The following RNF7 variants were observed in gnomAD, a reference collection of about 807,000 sequenced individuals.
The protein encoded by RNF7 is ring finger protein 7.
In RNF7, 9 loss-of-function variants were observed where a neutral mutation model predicts 17.0. That is an observed-to-expected ratio of 0.53 (90% confidence interval 0.32 to 0.92). The LOEUF is 0.92. Among genes scored for constraint, RNF7 ranks in the 40% least tolerant of loss-of-function variants. The pLI is 0.04. For missense variants in RNF7, 87 were observed against 145.8 expected, an observed-to-expected ratio of 0.60 and a Z score of 2.08; for synonymous variants, 59 against 50.5, an observed-to-expected ratio of 1.17 and a Z score of -0.72.
At chr3:141,740,442 T>G (rs1361862446) in intron 1 of RNF7, among the ~76,000 whole-genome samples, 2 of 152,212 alleles carry the variant, frequency 1.3e-5, no homozygotes, top group South Asian at 4.1e-4. Context: ...GGTCAAAGTA[T>G]AGACTATAAA....
chr3:141,744,909 A>G (rs991037088), intron 2 of RNF7, among the ~76,000 whole-genome samples: 1 of 152,214 alleles, frequency 6.6e-6, no homozygotes, highest in African/African-American at 2.4e-5. Flanking sequence ...GGAGCTGTGT[A>G]GGAACTAGGG....
In RNF7 at chr3:141,746,629, T is replaced by A. The variant is rs2084476227; in HGVS notation, c.*1352T>A. 6.6e-6 allele frequency: 1 copy of A among 152,212 alleles called. No individual in the cohort carries two copies. Among genetic ancestry groups the A allele is most frequent in the East Asian group, 1.9e-4 (1 of 5,196 alleles). 9.4% of individuals were successfully genotyped at this position (152,212 alleles called of 1,614,324 possible). On this transcript the variant is annotated 3_prime_UTR_variant, in exon 3 of 3. Coordinates refer to ENST00000273480, the MANE Select transcript of RNF7 (RefSeq NM_014245.5). ...AATGGACCACAAGTTCATTTTGTAT[T>A]CTTCTGTAGTAGAGGCTACTGATAT...
In RNF7 at chr3:141,738,651, C is replaced by T. The variant is rs943321516; in HGVS notation, c.175+135C>T. ...AGAGTGGGTGGAGGTCGCCCTGCCC[C>T]GGCGCCGGAGGAACGCGGAGCCACG... On this transcript the variant is annotated intron_variant, in intron 1 of 2. Transcript: ENST00000273480. 7 of 965,268 alleles carry T rather than the reference C, an allele frequency of 7.3e-6. No homozygotes were observed. The Admixed American group carries it at 9.8e-5, about 14-fold the overall frequency. 59.8% of individuals were successfully genotyped at this position (965,268 alleles called of 1,614,324 possible).
At position 141,738,371 on chromosome 3, in the gene RNF7, C is replaced by T. The variant is rs919505952; in HGVS notation, c.30C>T (p.Thr10=). 23 of 1,589,186 alleles carry T rather than the reference C, an allele frequency of 1.4e-5. No individual in the cohort carries two copies. The Admixed American group carries it at 2.5e-4, about 17-fold the overall frequency. ...CCGACGTGGAAGACGGAGAGGAAACCTGCGCCCTGGCCTCTCACTCCGGGA... is the reference window on the plus strand; with the variant it reads ...CCGACGTGGAAGACGGAGAGGAAACTTGCGCCCTGGCCTCTCACTCCGGGA... MADVEDGEE[T]CALASHSGSS... The change falls in exon 1 of 3, where the codon ACC becomes ACT. Residue 10 remains threonine, a synonymous_variant. Transcript: ENST00000273480.
Position 141,743,556 on chromosome 3 carries a change from GGTATGTTGTAATTTT to G in RNF7, c.223+3_223+17del. 4 of 1,606,262 alleles carry G rather than the reference GGTATGTTGTAATTTT, an allele frequency of 2.5e-6. No individual in the cohort carries two copies. The highest frequency in any genetic ancestry group is 3.4e-6 in the Non-Finnish European group (4 of 1,176,764). ...TGAAAACAAACAAGAGGACTGTGTT[GGTATGTTGTAATTTT>G]GTTCTCTTGCTTTTTCAACTGAAGG... On this transcript the variant is annotated splice_donor_variant and splice_donor_5th_base_variant and intron_variant, in intron 2 of 2. Transcript: ENST00000273480. LOFTEE classifies it high-confidence loss of function.
Position 141,742,282 on chromosome 3 carries a change from A to G in RNF7, c.176-1227A>G, listed in dbSNP as rs188712021. ...CGCTCTTTCGCCCAGGCTGGAGTGC[A>G]GTGGCGCTATCTCGGCTCACTGCAA... is the stretch of plus-strand genomic sequence containing the variant. On this transcript the variant is annotated intron_variant, in intron 1 of 2. Coordinates refer to ENST00000273480, the MANE Select transcript of RNF7 (RefSeq NM_014245.5). Among the ~76,000 whole-genome samples, 665 of 137,456 alleles carry G rather than the reference A, an allele frequency of 4.8e-3. 1 individual carries two copies. Among genetic ancestry groups the G allele is most frequent in the Non-Finnish European group, 7.1e-3 (470 of 66,464 alleles). 90.2% of individuals were successfully genotyped at this position (137,456 alleles called of 152,430 possible). A position where few individuals can be genotyped will look rare whatever the true frequency, so the allele number is the denominator to read the frequency against.
chr3:141,738,540 GGCCGCCCT>G (rs1202533201), intron 1 of RNF7, 24 bp downstream of exon 1: 1 of 1,582,256 alleles, frequency 6.3e-7, no homozygotes, highest in Non-Finnish European at 8.6e-7. Context: ...GCGAGTCCAG[GGCCGCCCT>G]GCGGCCTCCG....
chr3:141,744,221 C>T (rs2084449002), intron 2 of RNF7, among the ~76,000 whole-genome samples: 1 of 152,100 alleles, frequency 6.6e-6, no homozygotes, highest in Non-Finnish European at 1.5e-5. Flanking sequence ...GTACATAGAA[C>T]TTCTTAATAT....
At chr3:141,738,641 C>T in intron 1 of RNF7, 125 bp downstream of exon 1, 3 of 1,022,800 alleles carry the variant, frequency 2.9e-6, no homozygotes, top group Admixed American at 3.3e-5. Context: ...GGGTGGAGGT[C>T]GCCCTGCCCC....
At position 141,746,719 on chromosome 3, in the gene RNF7, A is replaced by G. The variant is rs2084477527; in HGVS notation, c.*1442A>G. 1.3e-5 allele frequency: 2 copies of G among 152,206 alleles called. No individual in the cohort carries two copies. The highest frequency in any genetic ancestry group is 1.5e-5 in the Non-Finnish European group (1 of 68,036). 9.4% of individuals were successfully genotyped at this position (152,206 alleles called of 1,614,324 possible). On this transcript the variant is annotated 3_prime_UTR_variant, in exon 3 of 3. Transcript: ENST00000273480. ...CTGCAGATGCAGTGTGCCATTCTGA[A>G]TTTTTCAATCTAAGGGATGTGGATA... is the stretch of plus-strand genomic sequence containing the variant.
chr3:141,746,084 C>T lies in RNF7; in HGVS notation c.*807C>T, dbSNP rs1270175813. On this transcript the variant is annotated 3_prime_UTR_variant, in exon 3 of 3. Transcript: ENST00000273480. ...CTCCGCCTCCCGGGTTCAAGTGATT[C>T]TCCTGCCTCAGCCTCCCGAGTAGCT... 6.6e-6 allele frequency: 1 copy of T among 151,078 alleles called. No individual in the cohort carries two copies. Among genetic ancestry groups the T allele is most frequent in the South Asian group, 2.1e-4 (1 of 4,814 alleles). The allele number at this position is 151,078 out of a possible 1,614,324, so 9.4% of individuals were successfully genotyped here. A position where few individuals can be genotyped will look rare whatever the true frequency, so the allele number is the denominator to read the frequency against.
chr3:141,744,231 T>C (rs2084449060), intron 2 of RNF7, among the ~76,000 whole-genome samples: 1 of 152,226 alleles, frequency 6.6e-6, no homozygotes, highest in Non-Finnish European at 1.5e-5. Context: ...CTTCTTAATA[T>C]TGATTCTTGC....
rs774835062 is a variant in RNF7 at position 141,745,125 on chromosome 3, A to G, written c.224-34A>G. On this transcript the variant is annotated intron_variant, in intron 2 of 2. Transcript: ENST00000273480. ...TTGAGTTCAGTGTTTAAATTGAAATATGTAATGTCAACTCTTCTTTTTCTT... is the reference window on the plus strand; with the variant it reads ...TTGAGTTCAGTGTTTAAATTGAAATGTGTAATGTCAACTCTTCTTTTTCTT... The G allele has an allele frequency of 5.1e-6, 7 of 1,368,924 alleles. No individual in the cohort carries two copies. The East Asian group carries it at 1.6e-4, about 32-fold the overall frequency. 84.8% of individuals were successfully genotyped at this position (1,368,924 alleles called of 1,614,324 possible). A position where few individuals can be genotyped will look rare whatever the true frequency, so the allele number is the denominator to read the frequency against.
chr3:141,740,572 G>A (rs1044454639), intron 1 of RNF7, among the ~76,000 whole-genome samples: 3 of 152,162 alleles, frequency 2.0e-5, no homozygotes, highest in Admixed American at 2.0e-4. Context: ...CTAGACCTTT[G>A]TATTTTGTTT....
chr3:141,744,314 T>A (rs2084450176), intron 2 of RNF7, among the ~76,000 whole-genome samples: 1 of 152,192 alleles, frequency 6.6e-6, no homozygotes, highest in South Asian at 2.1e-4. Flanking sequence ...TGTAGCCAAT[T>A]TTCATAGGCA....
At chr3:141,743,769 A>T (rs1263835828) in intron 2 of RNF7, among the ~76,000 whole-genome samples, 1 of 152,232 alleles carries the variant, frequency 6.6e-6, no homozygotes, top group Non-Finnish European at 1.5e-5. Context: ...AGAATTGGTT[A>T]TATATTCCAG....
Position 141,743,489 on chromosome 3 carries a change from C to T in RNF7, c.176-20C>T, listed in dbSNP as rs199875302. The T allele has an allele frequency of 2.7e-5, 43 of 1,599,824 alleles. No homozygotes were observed. The highest frequency in any genetic ancestry group is 1.8e-4 in the Middle Eastern group (1 of 5,662). On this transcript the variant is annotated intron_variant, in intron 1 of 2. Coordinates refer to ENST00000273480, the MANE Select transcript of RNF7 (RefSeq NM_014245.5). ...GCATTCTGAGCATCAGAATGAGAAT[C>T]GCTATTTGTTTACTTTTAGATGCCT...
intron 1 of RNF7, among the ~76,000 whole-genome samples, chr3:141,740,266 C>T (rs919449994): frequency 5.9e-5 from 9 of 151,436 alleles, no homozygotes; most frequent in African/African-American, 1.9e-4. Flanking sequence ...TAGTTCCTTT[C>T]CAGTTTAAAA....
In RNF7 at chr3:141,745,210, G is replaced by A. The variant is rs906304867; in HGVS notation, c.275G>A (p.Trp92Ter). ...TTCCACAACTGCTGCATGTCCCTGT[G>A]GGTGAAACAGAACAATCGCTGCCCT... ...HSFHNCCMSLWVKQNNRCPLC... is the reference protein window; with the variant it reads ...HSFHNCCMSL The change falls in exon 3 of 3, where the codon TGG (tryptophan) becomes TAG (stop). Residue 92 changes from tryptophan to a stop codon, truncating the protein, a stop_gained. Transcript: ENST00000273480. LOFTEE classifies it high-confidence loss of function. The A allele has an allele frequency of 7.4e-6, 12 of 1,613,628 alleles. No individual in the cohort carries two copies. The highest frequency in any genetic ancestry group is 1.0e-5 in the Non-Finnish European group (12 of 1,179,874).
Sources: gnomAD v4.1 joint callset for allele counts (sites outside exome capture counted in the v4.1 genomes callset) on GRCh38, gnomAD v4.1.1 for gene constraint, MANE v1.5 for transcripts, NCBI Gene and HGNC (gene_info 2026-07-23, HGNC 2026-07-21) for gene names.